Variants in PRKCI observed in about 807,000 individuals in gnomAD.
PRKCI encodes the protein protein kinase C iota type.
PRKCI carries 43 observed loss-of-function variants against 84.0 expected under a neutral mutation model. That is an observed-to-expected ratio of 0.51 (90% CI 0.40 to 0.66). The LOEUF is 0.66. Ranked by LOEUF, PRKCI falls within the 30% of genes least tolerant of loss-of-function variation. The pLI is 0.00. For synonymous variants in PRKCI, 216 were observed against 234.4 expected (o/e 0.92, Z 0.72); for missense variants, 459 against 745.6 (o/e 0.62, Z 4.48).
At chr3:170,241,118 G>A (rs925394327) in intron 2 of PRKCI, among the ~76,000 whole-genome samples, 1 of 152,056 alleles carries the variant, frequency 6.6e-6, no homozygotes, top group African/African-American at 2.4e-5. Flanking sequence ...TTCAATACAT[G>A]TATATGTTGT....
At chr3:170,279,246 G>T (rs1734189162) in intron 8 of PRKCI, among the ~76,000 whole-genome samples, 1 of 152,110 alleles carries the variant, frequency 6.6e-6, no homozygotes, top group South Asian at 2.1e-4. Flanking sequence ...GCCCAGGCTG[G>T]TCTTGAACTC....
chr3:170,261,888 T>C (rs1389069616), intron 3 of PRKCI, among the ~76,000 whole-genome samples: 7 of 152,326 alleles, frequency 4.6e-5, no homozygotes, highest in Admixed American at 4.6e-4. Context: ...TTTTTTGTCA[T>C]CTCTTTCCAG....
chr3:170,227,898 A>G (rs530092462), intron 1 of PRKCI, among the ~76,000 whole-genome samples: 2 of 152,324 alleles, frequency 1.3e-5, no homozygotes, highest in East Asian at 3.9e-4. Flanking sequence ...CAGATGAGAT[A>G]TTTTAAGGAG....
intron 9 of PRKCI, 71 bp from the exon 10 acceptor site, chr3:170,281,095 A>G (rs746504839): frequency 2.2e-4 from 285 of 1,311,208 alleles, no homozygotes; most frequent in Non-Finnish European, 2.3e-4. Context: ...TGACCATTGA[A>G]TTGCTCAGAG....
intron 11 of PRKCI, 44 bp downstream of exon 11, chr3:170,282,012 A>T (rs377568357): frequency 1.3e-6 from 2 of 1,594,286 alleles, no homozygotes; most frequent in Non-Finnish European, 1.7e-6. Context: ...TTTTGGGGCC[A>T]TGTGGCTTTT....
chr3:170,292,767 C>T (rs1355839484), intron 13 of PRKCI, among the ~76,000 whole-genome samples: 8 of 150,052 alleles, frequency 5.3e-5, no homozygotes, highest in Admixed American at 2.0e-4. Flanking sequence ...TATAGCCGGG[C>T]GCGGTGGCTC....
At position 170,297,284 on chromosome 3, in the gene PRKCI, A is replaced by C; in HGVS notation, c.1498-20A>C. ...AAGCATGACATTCACCCAATTCTTG[A>C]AACATTTCTTTCACCATAGGACCCT... On this transcript the variant is annotated intron_variant, in intron 15 of 17. Coordinates refer to ENST00000295797, the MANE Select transcript of PRKCI (RefSeq NM_002740.6). 1 of 1,587,190 alleles carries C rather than the reference A, an allele frequency of 6.3e-7. No individual in the cohort carries two copies. Among genetic ancestry groups the C allele is most frequent in the South Asian group, 1.1e-5 (1 of 90,278 alleles).
intron 14 of PRKCI, among the ~76,000 whole-genome samples, chr3:170,295,396 C>T (rs909019883): frequency 1.3e-5 from 2 of 151,050 alleles, no homozygotes; most frequent in African/African-American, 2.4e-5. Context: ...TTGCTGGGCG[C>T]AGTGGCTCAC....
intron 3 of PRKCI, among the ~76,000 whole-genome samples, chr3:170,260,909 G>A (rs533856722): frequency 2.6e-5 from 4 of 152,118 alleles, no homozygotes; most frequent in African/African-American, 9.7e-5. Flanking sequence ...TTCCAAATTT[G>A]TGTTTCATTC....
Position 170,235,330 on chromosome 3 carries a change from A to G in PRKCI, c.202A>G (p.Met68Val). The change falls in exon 2 of 18, where the codon ATG (methionine) becomes GTG (valine). Residue 68 changes from methionine (M) to valine (V), a missense_variant. Coordinates refer to ENST00000295797, the MANE Select transcript of PRKCI (RefSeq NM_002740.6). ...TTTTGACAACGAACAGCTCTTCACC[A>G]TGAAATGGATAGATGAGGAAGGTGA... ...CSFDNEQLFT[M>V]KWIDEEGDPC... 6.2e-7 allele frequency: 1 copy of G among 1,614,092 alleles called. No homozygotes were observed. The highest frequency in any genetic ancestry group is 8.5e-7 in the Non-Finnish European group (1 of 1,179,970).
intron 13 of PRKCI, among the ~76,000 whole-genome samples, chr3:170,292,210 A>G (rs755817039): frequency 1.3e-5 from 2 of 152,234 alleles, no homozygotes; most frequent in South Asian, 2.1e-4. Context: ...GTTTACATAT[A>G]TTAACTAAGT....
intron 12 of PRKCI, among the ~76,000 whole-genome samples, chr3:170,285,045 A>T (rs538307891): frequency 6.9e-4 from 105 of 151,934 alleles, no homozygotes; most frequent in African/African-American, 2.4e-3. Context: ...ATAAAACAAG[A>T]ATTTCAGTTA....
chr3:170,301,456 T>C (rs540234190), intron 17 of PRKCI, among the ~76,000 whole-genome samples: 2 of 152,246 alleles, frequency 1.3e-5, no homozygotes, highest in African/African-American at 4.8e-5. Flanking sequence ...ATATATGAAG[T>C]CTAAAATGAA....
chr3:170,303,727 G>A lies in PRKCI; in HGVS notation c.*600G>A, dbSNP rs763663493. On this transcript the variant is annotated 3_prime_UTR_variant, in exon 18 of 18. Transcript: ENST00000295797. ...ATTGGGAAATTCGGCTGGGTGCAGT[G>A]ACTCAATGCCTGTGATCCCAGTACT... 7.1e-5 allele frequency: 15 copies of A among 211,466 alleles called. No individual in the cohort carries two copies. The highest frequency in any genetic ancestry group is 1.1e-4 in the Non-Finnish European group (11 of 104,414). The allele number at this position is 211,466 out of a possible 1,614,324, so 13.1% of individuals were successfully genotyped here. A position where few individuals can be genotyped will look rare whatever the true frequency, so the allele number is the denominator to read the frequency against.
At chr3:170,227,218 A>T (rs1732652784) in intron 1 of PRKCI, among the ~76,000 whole-genome samples, 1 of 152,138 alleles carries the variant, frequency 6.6e-6, no homozygotes, top group Non-Finnish European at 1.5e-5. Context: ...TTAAACATAG[A>T]TTTTAAAAAT....
At chr3:170,267,675 C>CAA (rs1169448041) in intron 4 of PRKCI, among the ~76,000 whole-genome samples, 2,639 of 52,866 alleles carry the variant, frequency 0.05, 87 homozygotes, top group East Asian at 0.11. Flanking sequence ...TCCATCTCAC[C>CAA]AAAAAAAAAA....
chr3:170,293,763 C>T (rs1734627089), intron 14 of PRKCI, among the ~76,000 whole-genome samples: 1 of 152,182 alleles, frequency 6.6e-6, no homozygotes, highest in African/African-American at 2.4e-5. Context: ...AGCAATTCTT[C>T]TGCCTCAGCC....
rs1734707732 is a variant in PRKCI at position 170,297,357 on chromosome 3, G to T, written c.1551G>T (p.Gln517His). ...CHPQTGFADIQGHPFFRNVDW... is the reference protein window; with the variant it reads ...CHPQTGFADIHGHPFFRNVDW... ...CTCAAACAGGATTTGCTGATATTCA[G>T]GGACACCCGTTCTTCCGAAATGTTG... The change falls in exon 16 of 18, where the codon CAG (glutamine) becomes CAT (histidine). Residue 517 changes from glutamine to histidine, a missense_variant. Transcript: ENST00000295797. The T allele has an allele frequency of 6.2e-7, 1 of 1,613,708 alleles. No individual in the cohort carries two copies. Among genetic ancestry groups the T allele is most frequent in the Non-Finnish European group, 8.5e-7 (1 of 1,179,762 alleles).
intron 1 of PRKCI, among the ~76,000 whole-genome samples, chr3:170,234,051 G>C (rs867493011): frequency 8.0e-5 from 1 of 12,544 alleles, no homozygotes; most frequent in Non-Finnish European, 1.8e-4. Flanking sequence ...TTTTTTTTTT[G>C]AGATGGAGTT....
Sources: allele counts gnomAD v4.1 joint callset (sites outside exome capture counted in the v4.1 genomes callset), GRCh38; gene constraint gnomAD v4.1.1; transcripts MANE v1.5; gene names NCBI Gene and HGNC (gene_info 2026-07-23, HGNC 2026-07-21).